Variants in OR9Q1 observed in about 807,000 individuals in gnomAD.
OR9Q1 encodes the protein olfactory receptor 9Q1.
For missense variants in OR9Q1, 374 were observed against 378.8 expected (o/e 0.99, Z 0.11); for synonymous variants, 153 against 148.6 (o/e 1.03, Z -0.22).
At chr11:58,163,319 C>T (rs1318268850) in intron 2 of OR9Q1, among the ~76,000 whole-genome samples, 1 of 152,140 alleles carries the variant, frequency 6.6e-6, no homozygotes, top group East Asian at 1.9e-4. Context: ...TAAATTTCAG[C>T]CCTGGTCTCT....
In OR9Q1 at chr11:58,089,209, A is replaced by C. The variant is rs556568132; in HGVS notation, c.-15+33262A>C. ...ATTGGATTTAGTGTTTTAGTCGTTG[A>C]AGTCTTTTCCCATGCCTATGTCTTC... On this transcript the variant is annotated intron_variant, in intron 2 of 2. Coordinates refer to ENST00000335397, the MANE Select transcript of OR9Q1 (RefSeq NM_001005212.4). Among the ~76,000 whole-genome samples the C allele has an allele frequency of 3.3e-5, 5 of 151,864 alleles. No homozygotes were observed. The South Asian group carries it at 1.0e-3, about 32-fold the overall frequency.
chr11:58,094,628 C>T (rs1853713799), intron 2 of OR9Q1, among the ~76,000 whole-genome samples: 1 of 152,140 alleles, frequency 6.6e-6, no homozygotes, highest in Non-Finnish European at 1.5e-5. Context: ...CTGTTTGAAA[C>T]ATTTAGTGAT....
intron 2 of OR9Q1, among the ~76,000 whole-genome samples, chr11:58,159,928 T>G (rs892194777): frequency 5.9e-5 from 9 of 152,346 alleles, no homozygotes; most frequent in African/African-American, 2.2e-4. Flanking sequence ...ATCTTTTCTC[T>G]TGAAACTGAG....
chr11:58,114,970 T>C (rs1296624586), intron 2 of OR9Q1, among the ~76,000 whole-genome samples: 2 of 152,122 alleles, frequency 1.3e-5, no homozygotes, highest in African/African-American at 2.4e-5. Context: ...GAACTCCTCA[T>C]AGGCTTGCCT....
chr11:58,173,623 A>T (rs927802227), intron 2 of OR9Q1, among the ~76,000 whole-genome samples: 1 of 152,068 alleles, frequency 6.6e-6, no homozygotes. Context: ...CTCTGAGCTG[A>T]GAGCTTCTTC....
Position 58,056,977 on chromosome 11 carries a change from T to A in OR9Q1, c.-15+1030T>A, listed in dbSNP as rs569375885. Among the ~76,000 whole-genome samples, 7 of 144,294 alleles carry A rather than the reference T, an allele frequency of 4.9e-5. No homozygotes were observed. The South Asian group carries it at 1.5e-3, about 32-fold the overall frequency. The allele number at this position is 144,294 out of a possible 152,430, so 94.7% of individuals were successfully genotyped here. A position where few individuals can be genotyped will look rare whatever the true frequency, so the allele number is the denominator to read the frequency against. On this transcript the variant is annotated intron_variant, in intron 2 of 2. Coordinates refer to ENST00000335397, the MANE Select transcript of OR9Q1 (RefSeq NM_001005212.4). ...CACTTTCCTAAGGCTTCCATGGTTATACAATTCAGGTTTTTTTTTTTTTTT... is the reference window on the plus strand; with the variant it reads ...CACTTTCCTAAGGCTTCCATGGTTAAACAATTCAGGTTTTTTTTTTTTTTT...
In OR9Q1 at chr11:58,180,287, C is replaced by A. The variant is rs201750936; in HGVS notation, c.843C>A (p.Ile281=). ...RVVSVLYTEV[I]PMLNPLIYSL... ...TGTCTGTGCTTTACACAGAGGTCAT[C>A]CCCATGTTGAATCCCCTCATCTACA... Residue 281 remains isoleucine (I), a synonymous_variant, in exon 3 of 3, where the codon ATC becomes ATA. Coordinates refer to ENST00000335397, the MANE Select transcript of OR9Q1 (RefSeq NM_001005212.4). 4.3e-6 allele frequency: 7 copies of A among 1,613,846 alleles called. No homozygotes were observed. The highest frequency in any genetic ancestry group is 5.9e-6 in the Non-Finnish European group (7 of 1,179,772).
intron 1 of OR9Q1, chr11:58,031,725 C>T (rs144726062): frequency 6.2e-7 from 1 of 1,613,996 alleles, no homozygotes; most frequent in Non-Finnish European, 8.5e-7. Context: ...TTCTATGGCA[C>T]TCTTTTCTTT....
chr11:58,044,804 C>A lies in OR9Q1; in HGVS notation c.-92-11066C>A, dbSNP rs534046294. 12 of 152,232 alleles carry A rather than the reference C, an allele frequency of 7.9e-5. No individual in the cohort carries two copies. The South Asian group carries it at 1.5e-3, about 18-fold the overall frequency. 9.4% of individuals were successfully genotyped at this position (152,232 alleles called of 1,614,324 possible). A position where few individuals can be genotyped will look rare whatever the true frequency, so the allele number is the denominator to read the frequency against. On this transcript the variant is annotated intron_variant, in intron 1 of 2. Coordinates refer to ENST00000335397, the MANE Select transcript of OR9Q1 (RefSeq NM_001005212.4). The stretch of plus-strand genomic sequence containing the variant: ...CTTGATGGTTGGAATTCTGGTTCTG[C>A]CCTTTATGGTTTGCGTGCCTTGGGC...
chr11:58,136,696 T>C lies in OR9Q1; in HGVS notation c.-14-42735T>C, dbSNP rs560737278. On this transcript the variant is annotated intron_variant, in intron 2 of 2. Coordinates refer to ENST00000335397, the MANE Select transcript of OR9Q1 (RefSeq NM_001005212.4). ...TAGCTCCTCTGAAGATGAGCGACCA[T>C]TGGGCAACCTTAGTCTTTAAAATAT... 9.2e-5 allele frequency among the ~76,000 whole-genome samples: 14 copies of C among 152,264 alleles called. 2 individuals carry two copies. The East Asian group carries it at 1.5e-3, about 17-fold the overall frequency.
At chr11:58,031,528 G>A (rs528605468) in intron 1 of OR9Q1, 142 of 1,613,996 alleles carry the variant, frequency 8.8e-5, no homozygotes, top group South Asian at 1.1e-4. Flanking sequence ...TAGCCTTGTC[G>A]TGCTCAGATG....
At chr11:58,151,802 A>T (rs1172766786) in intron 2 of OR9Q1, among the ~76,000 whole-genome samples, 1 of 152,058 alleles carries the variant, frequency 6.6e-6, no homozygotes, top group Non-Finnish European at 1.5e-5. Context: ...TTGCACACAG[A>T]ATTACCCCAG....
chr11:58,047,696 A>T (rs1224066451), intron 1 of OR9Q1: 1 of 139,800 alleles, frequency 7.2e-6, no homozygotes, highest in Non-Finnish European at 1.5e-5. Context: ...ACATGGTGAA[A>T]CCTCATCTCT....
intron 2 of OR9Q1, among the ~76,000 whole-genome samples, chr11:58,155,419 G>A (rs2514197): frequency 0.38 from 58,268 of 151,924 alleles, 11,500 homozygotes; most frequent in Admixed American, 0.45. Context: ...AACCACACAG[G>A]TACCTTGAAG....
At chr11:58,085,974 C>T (rs1853630177) in intron 2 of OR9Q1, among the ~76,000 whole-genome samples, 1 of 151,890 alleles carries the variant, frequency 6.6e-6, no homozygotes, top group African/African-American at 2.4e-5. Context: ...AGGTTGCAGA[C>T]TTGCTTGGCT....
At chr11:58,157,540 AGAAGGAAGGAAAAGACAGAG>A (rs1391985414) in intron 2 of OR9Q1, among the ~76,000 whole-genome samples, 1 of 152,070 alleles carries the variant, frequency 6.6e-6, no homozygotes, top group Non-Finnish European at 1.5e-5. Context: ...AAGGAAGAAA[AGAAGGAAGGAAAAGACAGAG>A]GAAGGAAGGA....
intron 2 of OR9Q1, among the ~76,000 whole-genome samples, chr11:58,162,162 G>C (rs1299875808): frequency 6.8e-6 from 1 of 146,930 alleles, no homozygotes; most frequent in Non-Finnish European, 1.5e-5. Context: ...CACCTTCTTT[G>C]TAACTGTGTA....
chr11:58,140,414 T>G (rs1320512105), intron 2 of OR9Q1, among the ~76,000 whole-genome samples: 1 of 152,160 alleles, frequency 6.6e-6, no homozygotes, highest in East Asian at 1.9e-4. Context: ...GTTTTTATGG[T>G]TTTAGGTCTA....
At chr11:58,095,363 C>G (rs993170233) in intron 2 of OR9Q1, among the ~76,000 whole-genome samples, 2 of 152,208 alleles carry the variant, frequency 1.3e-5, no homozygotes, top group African/African-American at 4.8e-5. Flanking sequence ...GAAATTAGCC[C>G]TCCCTAGATC....
Sources: allele counts gnomAD v4.1 joint callset (sites outside exome capture counted in the v4.1 genomes callset), GRCh38; gene constraint gnomAD v4.1.1; transcripts MANE v1.5; gene names NCBI Gene and HGNC (gene_info 2026-07-23, HGNC 2026-07-21).